Variants in IRAG1 observed in about 807,000 individuals in gnomAD.
The protein encoded by IRAG1 is inositol 1,4,5-triphosphate receptor associated 1, also known as IP3R-associated cGMP kinase substrate.
Under a neutral mutation model 106.2 loss-of-function variants are expected in IRAG1, and 62 were observed. The ratio of observed to expected loss-of-function variants is 0.58; its 90% CI spans 0.48 to 0.72. The LOEUF (loss-of-function observed/expected upper bound fraction) is 0.72, where lower values mean the gene tolerates loss of function less well. Ranked by LOEUF, IRAG1 falls within the 30% of genes least tolerant of loss-of-function variation. The probability of loss-of-function intolerance (pLI) is 0.00; values close to 1 mark genes in which losing one functional copy is unlikely to be tolerated. For synonymous variants in IRAG1, 462 were observed against 443.9 expected (o/e 1.04, Z -0.51); for missense variants, 1,064 against 1,140.7 (o/e 0.93, Z 0.97).
intron 2 of IRAG1, among the ~76,000 whole-genome samples, chr11:10,634,877 A>C (rs780026108): frequency 6.6e-6 from 1 of 151,964 alleles, no homozygotes; most frequent in East Asian, 1.9e-4. Flanking sequence ...TACCTTGTCT[A>C]TTGTGAATAG....
chr11:10,634,527 T>C (rs1796892851), intron 2 of IRAG1, among the ~76,000 whole-genome samples: 1 of 152,166 alleles, frequency 6.6e-6, no homozygotes, highest in Admixed American at 6.5e-5. Context: ...TAAGTTGAAT[T>C]CTTTGACCAA....
intron 1 of IRAG1, among the ~76,000 whole-genome samples, chr11:10,654,249 C>T (rs543887348): frequency 1.3e-5 from 2 of 152,178 alleles, no homozygotes; most frequent in Admixed American, 6.5e-5. Flanking sequence ...CCAGCCAACA[C>T]ACATACCTCT....
intron 2 of IRAG1, among the ~76,000 whole-genome samples, chr11:10,639,934 C>T (rs572075759): frequency 9.9e-5 from 15 of 152,246 alleles, no homozygotes; most frequent in East Asian, 7.7e-4. Context: ...TCCAATCATC[C>T]GGCAAACATT....
At chr11:10,594,087 C>A in intron 16 of IRAG1, 59 bp downstream of exon 16, 1 of 1,457,496 alleles carries the variant, frequency 6.9e-7, no homozygotes, top group Non-Finnish European at 9.4e-7. Context: ...GTTTGGGTGA[C>A]CATGGAAACT....
chr11:10,629,898 A>G (rs992287295), intron 4 of IRAG1, 187 bp from the exon 5 acceptor site: 30 of 596,710 alleles, frequency 5.0e-5, no homozygotes, highest in Non-Finnish European at 7.6e-5. Flanking sequence ...CCTGGCCCCT[A>G]TGGCTTATGG....
chr11:10,689,670 CTA>C (rs1861913785), intron 1 of IRAG1, among the ~76,000 whole-genome samples: 1 of 152,082 alleles, frequency 6.6e-6, no homozygotes, highest in Non-Finnish European at 1.5e-5. Context: ...TAAAATGACT[CTA>C]TGTTATAAAA....
intron 1 of IRAG1, chr11:10,690,451 G>T: frequency 7.9e-7 from 1 of 1,268,942 alleles, no homozygotes; most frequent in South Asian, 1.3e-5. Context: ...TGCAGAGAAG[G>T]CAGGGCTTGT....
intron 1 of IRAG1, among the ~76,000 whole-genome samples, chr11:10,656,053 C>T (rs1016847488): frequency 6.6e-6 from 1 of 152,226 alleles, no homozygotes. Flanking sequence ...AGGAGAGTCC[C>T]TGCCCCAGGG....
At chr11:10,605,152 C>A (rs560015505) in intron 12 of IRAG1, among the ~76,000 whole-genome samples, 1 of 152,310 alleles carries the variant, frequency 6.6e-6, no homozygotes, top group East Asian at 1.9e-4. Flanking sequence ...TTGCAGCCTG[C>A]ATGAACAGAC....
chr11:10,579,318 T>A (rs929356340), intron 20 of IRAG1, among the ~76,000 whole-genome samples: 1 of 152,190 alleles, frequency 6.6e-6, no homozygotes, highest in Admixed American at 6.5e-5. Flanking sequence ...ATTTGTTGCA[T>A]GCATGTGGTT....
chr11:10,616,802 T>G (rs1012475653), intron 10 of IRAG1, among the ~76,000 whole-genome samples: 1 of 152,190 alleles, frequency 6.6e-6, no homozygotes, highest in Non-Finnish European at 1.5e-5. Context: ...TTTACTTTCT[T>G]CCTTGTATTT....
In IRAG1 at chr11:10,628,663, A is replaced by G; in HGVS notation, c.652+88T>C. The G allele has an allele frequency of 9.0e-7, 1 of 1,111,222 alleles. No individual in the cohort carries two copies. The highest frequency in any genetic ancestry group is 1.2e-6 in the Non-Finnish European group (1 of 802,744). 68.8% of individuals were successfully genotyped at this position (1,111,222 alleles called of 1,614,324 possible). A position where few individuals can be genotyped will look rare whatever the true frequency, so the allele number is the denominator to read the frequency against. Reference sequence around the variant, plus strand: ...CAGAGTTCTTGAAGGGGAAGCCTGCAGGCTGGGAGGCATGCTGATCTGTCC... The same window carrying G: ...CAGAGTTCTTGAAGGGGAAGCCTGCGGGCTGGGAGGCATGCTGATCTGTCC... On this transcript the variant is annotated intron_variant, in intron 6 of 20. Coordinates refer to ENST00000423302, the MANE Select transcript of IRAG1 (RefSeq NM_130385.4). This position sits in a 1 kb window ranked among gnomAD's most constrained non-coding sequence, Gnocchi z 4.1.
chr11:10,612,358 T>C (rs1226716431), intron 10 of IRAG1, among the ~76,000 whole-genome samples: 2 of 152,234 alleles, frequency 1.3e-5, no homozygotes, highest in Non-Finnish European at 2.9e-5. Flanking sequence ...TTTTGGACTA[T>C]GAACAGAGTT....
intron 1 of IRAG1, among the ~76,000 whole-genome samples, chr11:10,692,195 G>GCACACACACACACA (rs111745329): frequency 1.6e-4 from 24 of 151,068 alleles, no homozygotes; most frequent in African/African-American, 5.1e-4. Flanking sequence ...AAATATGCAT[G>GCACACACACACACA]CACACACACA....
At chr11:10,691,039 G>A (rs542728365) in intron 1 of IRAG1, among the ~76,000 whole-genome samples, 70 of 152,228 alleles carry the variant, frequency 4.6e-4, no homozygotes, top group African/African-American at 1.6e-3. Context: ...CAGAGAGAGC[G>A]GCTGAGGGGC....
intron 10 of IRAG1, among the ~76,000 whole-genome samples, chr11:10,621,195 T>A (rs1855809022): frequency 6.6e-6 from 1 of 152,234 alleles, no homozygotes; most frequent in African/African-American, 2.4e-5. Context: ...TCTTTAAAGA[T>A]GGTTATTTAA....
At chr11:10,605,542 G>A (rs776175273) in intron 12 of IRAG1, among the ~76,000 whole-genome samples, 1 of 152,216 alleles carries the variant, frequency 6.6e-6, no homozygotes, top group Non-Finnish European at 1.5e-5. Context: ...TGTTATACCT[G>A]TTTATGGGTA....
At chr11:10,604,002 C>G (rs1411964230) in intron 13 of IRAG1, among the ~76,000 whole-genome samples, 3 of 152,152 alleles carry the variant, frequency 2.0e-5, no homozygotes, top group Non-Finnish European at 4.4e-5. Flanking sequence ...AGACACACAC[C>G]AAGCCTAGAC....
At chr11:10,652,324 C>T in intron 1 of IRAG1, 142 bp from the exon 2 acceptor site, 4 of 1,451,090 alleles carry the variant, frequency 2.8e-6, no homozygotes, top group Non-Finnish European at 3.6e-6. Context: ...TAGGAGAGGG[C>T]ATTTGGAATT....
Sources: gnomAD v4.1 joint callset for allele counts (sites outside exome capture counted in the v4.1 genomes callset) on GRCh38, gnomAD v4.1.1 for gene constraint, Gnocchi (gnomAD v3.1) non-coding constraint, MANE v1.5 for transcripts, NCBI Gene and HGNC (gene_info 2026-07-23, HGNC 2026-07-21) for gene names.